MACIR: variants seen among roughly 807,000 people sequenced by gnomAD.
MACIR encodes UNC119-binding protein C5orf30.
In MACIR, 4 loss-of-function variants were observed where a neutral mutation model predicts 14.3. That is an observed-to-expected ratio of 0.28 (90% CI 0.14 to 0.64). MACIR has a LOEUF of 0.64. Ranked by LOEUF, MACIR falls within the 30% of genes least tolerant of loss-of-function variation. The pLI, the probability that MACIR is intolerant of heterozygous loss-of-function variation, is 0.83. For missense variants in MACIR, 228 were observed against 257.6 expected (o/e 0.89, Z 0.79); for synonymous variants, 101 against 102.4 (o/e 0.99, Z 0.08).
chr5:103,259,949 T>G (rs1804614576), intron 1 of MACIR, among the ~76,000 whole-genome samples: 1 of 152,156 alleles, frequency 6.6e-6, no homozygotes, highest in Non-Finnish European at 1.5e-5. Flanking sequence ...CCCCGTCCTT[T>G]TCCCCTTGCT....
chr5:103,259,994 C>T (rs1804616520), intron 1 of MACIR, among the ~76,000 whole-genome samples: 2 of 150,546 alleles, frequency 1.3e-5, no homozygotes, highest in African/African-American at 4.9e-5. Context: ...CCTGCCTCTC[C>T]TTCCACCTCA....
chr5:103,263,240 C>CTCCTCCTCCTGCTCT (rs1804796163), intron 1 of MACIR, among the ~76,000 whole-genome samples: 1 of 150,424 alleles, frequency 6.6e-6, no homozygotes, highest in Non-Finnish European at 1.5e-5. Flanking sequence ...CTTCCTCCTC[C>CTCCTCCTCCTGCTCT]TCCTCCTGCT....
At chr5:103,274,229 T>C (rs1805238103) in intron 2 of MACIR, among the ~76,000 whole-genome samples, 1 of 152,184 alleles carries the variant, frequency 6.6e-6, no homozygotes, top group African/African-American at 2.4e-5. Context: ...AAAAATTTGT[T>C]GAGGCTTCAC....
intron 2 of MACIR, among the ~76,000 whole-genome samples, chr5:103,268,647 A>C (rs1433121293): frequency 6.6e-6 from 1 of 152,240 alleles, no homozygotes; most frequent in African/African-American, 2.4e-5. Flanking sequence ...TGCAGAACCC[A>C]GGCTACACCC....
chr5:103,265,227 C>G (rs868911883), intron 1 of MACIR, among the ~76,000 whole-genome samples: 1 of 152,022 alleles, frequency 6.6e-6, no homozygotes, highest in South Asian at 2.1e-4. Context: ...GTTGTGTTAT[C>G]CAAGAGACTT....
chr5:103,266,360 G>T (rs1442562600), intron 2 of MACIR, among the ~76,000 whole-genome samples: 2 of 152,064 alleles, frequency 1.3e-5, no homozygotes, highest in Admixed American at 6.6e-5. Flanking sequence ...TCCAAACATT[G>T]CTGAAATAAT....
In MACIR at chr5:103,277,025, A is replaced by C. The variant is rs1415477734; in HGVS notation, c.*485A>C. ...CTGAATTGGACCACTTTTTATTTTT[A>C]AATATTGAGTTTAAATATTTTATAA... On this transcript the variant is annotated 3_prime_UTR_variant, in exon 3 of 3. Coordinates refer to ENST00000319933, the MANE Select transcript of MACIR (RefSeq NM_033211.4). 1 of 167,132 alleles carries C rather than the reference A, an allele frequency of 6.0e-6. No homozygotes were observed. The highest frequency in any genetic ancestry group is 1.9e-4 in the East Asian group (1 of 5,202). 10.4% of individuals were successfully genotyped at this position (167,132 alleles called of 1,614,324 possible).
chr5:103,262,956 C>T (rs1004808497), intron 1 of MACIR, among the ~76,000 whole-genome samples: 49 of 152,170 alleles, frequency 3.2e-4, no homozygotes, highest in African/African-American at 1.1e-3. Flanking sequence ...CAGTTGCAAG[C>T]GTTAGAGAAT....
chr5:103,261,855 C>G (rs575196127), intron 1 of MACIR, among the ~76,000 whole-genome samples: 1 of 152,006 alleles, frequency 6.6e-6, no homozygotes, highest in African/African-American at 2.4e-5. Flanking sequence ...TAAAATTTGT[C>G]CTTTCATAAT....
rs781826997 is a variant in MACIR at position 103,261,638 on chromosome 5, TTTTCTTTCTTTCTTTCTTTC to T, written c.-114+2789_-114+2808del. 4.0e-3 allele frequency among the ~76,000 whole-genome samples: 385 copies of T among 96,850 alleles called. 1 individual carries two copies. Among genetic ancestry groups the T allele is most frequent in the East Asian group, 0.013 (45 of 3,334 alleles). 63.5% of individuals were successfully genotyped at this position (96,850 alleles called of 152,430 possible). The stretch of plus-strand genomic sequence containing the variant: ...CTCTGAAAATACTACCTGTTTTTCT[TTTTCTTTCTTTCTTTCTTTC>T]TTTCTTTCTTTCTTTCTTTCTTTCT... On this transcript the variant is annotated intron_variant, in intron 1 of 2. Transcript: ENST00000319933.
intron 2 of MACIR, among the ~76,000 whole-genome samples, chr5:103,273,579 A>G (rs1805212370): frequency 6.6e-6 from 1 of 152,140 alleles, no homozygotes; most frequent in Admixed American, 6.6e-5. Context: ...GATTCTCAGA[A>G]TTTCTGACAG....
Position 103,276,160 on chromosome 5 carries a change from G to A in MACIR, c.241G>A (p.Glu81Lys). The change falls in exon 3 of 3, where the codon GAA (glutamate) becomes AAA (lysine). Residue 81 changes from glutamate to lysine, a missense_variant. Coordinates refer to ENST00000319933, the MANE Select transcript of MACIR (RefSeq NM_033211.4). Reference protein sequence around the residue: ...LKLAQKCTGGEESKAEAMPSL... With the variant: ...LKLAQKCTGGKESKAEAMPSL... ...GTTAGCTCAGAAGTGCACAGGAGGT[G>A]AAGAGAGCAAAGCAGAAGCCATGCC... The A allele has an allele frequency of 6.2e-7, 1 of 1,613,922 alleles. No individual in the cohort carries two copies. The highest frequency in any genetic ancestry group is 8.5e-7 in the Non-Finnish European group (1 of 1,179,974).
At chr5:103,269,208 T>TAAAC (rs1166135445) in intron 2 of MACIR, among the ~76,000 whole-genome samples, 15 of 151,902 alleles carry the variant, frequency 9.9e-5, no homozygotes, top group East Asian at 9.7e-4. Context: ...ACCCTGTGTC[T>TAAAC]AAACAAACAA....
At position 103,276,214 on chromosome 5, in the gene MACIR, G is replaced by A; in HGVS notation, c.295G>A (p.Gly99Arg). ...CTTACGCTCCAAACAGCTAGATGCAGGACTTGCCCGTTCCTCTCGTTTGTA... is the reference window on the plus strand; with the variant it reads ...CTTACGCTCCAAACAGCTAGATGCAAGACTTGCCCGTTCCTCTCGTTTGTA... ...PSLRSKQLDA[G>R]LARSSRLYKT... The change falls in exon 3 of 3, where the codon GGA (glycine) becomes AGA (arginine). Residue 99 changes from glycine to arginine, a missense_variant. Transcript: ENST00000319933. 4 of 1,613,564 alleles carry A rather than the reference G, an allele frequency of 2.5e-6. No individual in the cohort carries two copies. The highest frequency in any genetic ancestry group is 3.4e-6 in the Non-Finnish European group (4 of 1,179,912).
At chr5:103,263,199 ACCTCCTCCTCCT>A (rs1192451453) in intron 1 of MACIR, among the ~76,000 whole-genome samples, 5 of 141,616 alleles carry the variant, frequency 3.5e-5, no homozygotes, top group Non-Finnish European at 6.2e-5. Context: ...TTCACCATAT[ACCTCCTCCTCCT>A]CCTCCTCCTC....
In MACIR at chr5:103,277,771, C is replaced by T. The variant is rs1328294791; in HGVS notation, c.*1231C>T. ...ATGTATGTAACTTACCTTTTGTAAA[C>T]GTTCCATTTCTTTTTTCCCTCATTT... On this transcript the variant is annotated 3_prime_UTR_variant, in exon 3 of 3. Transcript: ENST00000319933. 3.0e-5 allele frequency: 5 copies of T among 166,782 alleles called. No homozygotes were observed. Among genetic ancestry groups the T allele is most frequent in the Admixed American group, 1.3e-4 (2 of 15,256 alleles). The allele number at this position is 166,782 out of a possible 1,614,324, so 10.3% of individuals were successfully genotyped here.
In MACIR at chr5:103,276,852, T is replaced by G. The variant is rs1805356542; in HGVS notation, c.*312T>G. The G allele has an allele frequency of 4.5e-6, 1 of 223,602 alleles. No homozygotes were observed. Among genetic ancestry groups the G allele is most frequent in the East Asian group, 1.1e-4 (1 of 9,310 alleles). 13.9% of individuals were successfully genotyped at this position (223,602 alleles called of 1,614,324 possible). A position where few individuals can be genotyped will look rare whatever the true frequency, so the allele number is the denominator to read the frequency against. On this transcript the variant is annotated 3_prime_UTR_variant, in exon 3 of 3. Coordinates refer to ENST00000319933, the MANE Select transcript of MACIR (RefSeq NM_033211.4). ...ATCTTTATGATTCTGACACTCAAAT[T>G]GGGAATGTTACCTGCTTGGTTGTTG...
chr5:103,273,708 A>C (rs1805218022), intron 2 of MACIR, among the ~76,000 whole-genome samples: 1 of 151,778 alleles, frequency 6.6e-6, no homozygotes, highest in African/African-American at 2.4e-5. Flanking sequence ...TAACTTACTT[A>C]GCAAATTTTT....
rs1395349749 is a variant in MACIR at position 103,277,006 on chromosome 5, T to C, written c.*466T>C. On this transcript the variant is annotated 3_prime_UTR_variant, in exon 3 of 3. Transcript: ENST00000319933. ...ATTTAGAACTTGAACATTGCTGAAT[T>C]GGACCACTTTTTATTTTTAAATATT... 1 of 167,338 alleles carries C rather than the reference T, an allele frequency of 6.0e-6. No individual in the cohort carries two copies. Among genetic ancestry groups the C allele is most frequent in the Non-Finnish European group, 1.5e-5 (1 of 68,294 alleles). 10.4% of individuals were successfully genotyped at this position (167,338 alleles called of 1,614,324 possible).
Sources: gnomAD v4.1 joint callset for allele counts (sites outside exome capture counted in the v4.1 genomes callset) on GRCh38, gnomAD v4.1.1 for gene constraint, MANE v1.5 for transcripts, NCBI Gene and HGNC (gene_info 2026-07-23, HGNC 2026-07-21) for gene names.